Variants in AK8 observed in about 807,000 individuals in gnomAD.
AK8 encodes adenylate kinase 8.
AK8 carries 44 observed loss-of-function variants against 54.6 expected under a neutral mutation model. The ratio of observed to expected loss-of-function variants is 0.81; its 90% confidence interval spans 0.63 to 1.04. The LOEUF is 1.04. Ranked by LOEUF, AK8 falls within the 50% of genes least tolerant of loss-of-function variation. AK8 has a pLI of 0.00. For synonymous variants in AK8, 239 were observed against 245.6 expected (o/e 0.97, Z 0.25); for missense variants, 555 against 613.6 (o/e 0.90, Z 1.01).
rs36114433 is a variant in AK8, at chr9:132,853,357, C to CAAA, written c.402+1497_402+1499dup. Among the ~76,000 whole-genome samples, 21 of 105,554 alleles carry CAAA rather than the reference C, an allele frequency of 2.0e-4. 1 individual carries two copies. Among genetic ancestry groups the CAAA allele is most frequent in the African/African-American group, 4.3e-4 (11 of 25,692 alleles). The allele number at this position is 105,554 out of a possible 152,430, so 69.2% of individuals were successfully genotyped here. On this transcript the variant is annotated intron_variant, in intron 5 of 12. Coordinates refer to ENST00000298545, the MANE Select transcript of AK8 (RefSeq NM_152572.3). ...TGGGCGACAGAATGAGACTCCGCCTCAAAAAAAAAAAAAAAGAAAAGAAAA... is the reference window on the plus strand; with the variant it reads ...TGGGCGACAGAATGAGACTCCGCCTCAAAAAAAAAAAAAAAAAAGAAAAGAAAA...
At chr9:132,751,640 A>G (rs1283709675) in intron 11 of AK8, among the ~76,000 whole-genome samples, 2 of 151,532 alleles carry the variant, frequency 1.3e-5, no homozygotes, top group Admixed American at 1.3e-4. Flanking sequence ...ATCTCCCCCA[A>G]GGGCCATCAA....
At chr9:132,863,428 A>G (rs1843467748) in intron 4 of AK8, among the ~76,000 whole-genome samples, 1 of 152,186 alleles carries the variant, frequency 6.6e-6, no homozygotes, top group Admixed American at 6.5e-5. Context: ...CCTTCACTCG[A>G]CCCGTGATCC....
At chr9:132,764,493 G>T (rs1446292922) in intron 11 of AK8, among the ~76,000 whole-genome samples, 2 of 152,028 alleles carry the variant, frequency 1.3e-5, no homozygotes, top group Non-Finnish European at 2.9e-5. Flanking sequence ...ATTACAACTG[G>T]TACCACAGAT....
chr9:132,835,579 A>G (rs1588190864), intron 5 of AK8, among the ~76,000 whole-genome samples: 1 of 152,246 alleles, frequency 6.6e-6, no homozygotes, highest in Non-Finnish European at 1.5e-5. Flanking sequence ...GACCTGTGCC[A>G]CAGCCAATGT....
intron 7 of AK8, among the ~76,000 whole-genome samples, chr9:132,827,686 C>T (rs1029155768): frequency 8.5e-5 from 13 of 152,218 alleles, no homozygotes; most frequent in Non-Finnish European, 1.6e-4. Context: ...CAAGGGGGCA[C>T]ATAATTTGTC....
At chr9:132,802,334 G>C (rs143936813) in intron 10 of AK8, among the ~76,000 whole-genome samples, 9 of 152,310 alleles carry the variant, frequency 5.9e-5, no homozygotes, top group African/African-American at 2.2e-4. Context: ...GGAGGGGGGC[G>C]GTGTCTCAAT....
At chr9:132,739,934 C>A (rs954004439) in intron 11 of AK8, among the ~76,000 whole-genome samples, 1 of 152,212 alleles carries the variant, frequency 6.6e-6, no homozygotes, top group Non-Finnish European at 1.5e-5. Context: ...GGGCAAAGTA[C>A]GCATTCTTGT....
chr9:132,754,230 T>C (rs1838082744), intron 11 of AK8, among the ~76,000 whole-genome samples: 1 of 152,224 alleles, frequency 6.6e-6, no homozygotes, highest in African/African-American at 2.4e-5. Context: ...GTTTCTGAAG[T>C]ACCTCCGCCA....
rs1564422285 is a variant in AK8, at chr9:132,823,257, A to G, written c.837T>C (p.Ser279=). 1 of 1,607,252 alleles carries G rather than the reference A, an allele frequency of 6.2e-7. No individual in the cohort carries two copies. The highest frequency in any genetic ancestry group is 1.7e-5 in the Admixed American group (1 of 58,582). The change falls in exon 9 of 13, where the codon AGT becomes AGC. Residue 279 remains serine, a synonymous_variant. Transcript: ENST00000298545. ...PRVLLLGPVG[S]GKSLQAALLA... ...GGAGGGCGGCCTGCAGACTTTTCCC[A>G]CTGCCCACAGGCCCGAGCAGCAGCA...
intron 2 of AK8, among the ~76,000 whole-genome samples, chr9:132,869,630 G>A (rs1007321024): frequency 5.3e-5 from 8 of 152,284 alleles, no homozygotes; most frequent in African/African-American, 1.9e-4. Context: ...CTAGGCCTGT[G>A]GCCTGGGGCA....
chr9:132,820,562 T>C (rs979765267), intron 9 of AK8, among the ~76,000 whole-genome samples: 6 of 152,350 alleles, frequency 3.9e-5, no homozygotes, highest in South Asian at 2.1e-4. Context: ...TATCTGAGTG[T>C]TGGAGCAGAA....
At chr9:132,804,168 G>C (rs1455039321) in intron 10 of AK8, among the ~76,000 whole-genome samples, 3 of 151,596 alleles carry the variant, frequency 2.0e-5, no homozygotes, top group Admixed American at 6.6e-5. Flanking sequence ...CATGGAGAGG[G>C]ACCTCACCCG....
chr9:132,730,496 T>C (rs1836787831), intron 11 of AK8, among the ~76,000 whole-genome samples: 2 of 146,500 alleles, frequency 1.4e-5, no homozygotes, highest in Non-Finnish European at 3.0e-5. Context: ...GAACAGAGAG[T>C]GATCTAAAAC....
At chr9:132,778,210 A>G (rs1839310031) in intron 11 of AK8, among the ~76,000 whole-genome samples, 1 of 152,216 alleles carries the variant, frequency 6.6e-6, no homozygotes, top group Non-Finnish European at 1.5e-5. Flanking sequence ...CATGTCTGGT[A>G]AACTCTCGGA....
At chr9:132,725,991 T>G (rs1465179294) in intron 12 of AK8, 66 bp from the exon 13 acceptor site, 37 of 1,463,384 alleles carry the variant, frequency 2.5e-5, no homozygotes, top group Non-Finnish European at 3.3e-5. Context: ...AAAGGGACCC[T>G]CTACTCTACT....
At position 132,762,864 on chromosome 9, in the gene AK8, G is replaced by A. The variant is rs939469185; in HGVS notation, c.1121+29770C>T. 6.6e-5 allele frequency among the ~76,000 whole-genome samples: 10 copies of A among 152,178 alleles called. No individual in the cohort carries two copies. The East Asian group carries it at 1.2e-3, about 18-fold the overall frequency. On this transcript the variant is annotated intron_variant, in intron 11 of 12. Coordinates refer to ENST00000298545, the MANE Select transcript of AK8 (RefSeq NM_152572.3). ...TGCACTCCAGCCTGGGTGACAGAGCGAGACTCTATCTCAAAAGAAAAAGAA... is the reference window on the plus strand; with the variant it reads ...TGCACTCCAGCCTGGGTGACAGAGCAAGACTCTATCTCAAAAGAAAAAGAA...
At chr9:132,752,382 T>TATA (rs1837973995) in intron 11 of AK8, among the ~76,000 whole-genome samples, 1 of 151,906 alleles carries the variant, frequency 6.6e-6, no homozygotes, top group African/African-American at 2.4e-5. Context: ...CCCGAGCAGC[T>TATA]GGGACTATAG....
chr9:132,772,162 C>T (rs1327653812), intron 11 of AK8, among the ~76,000 whole-genome samples: 1 of 152,182 alleles, frequency 6.6e-6, no homozygotes, highest in East Asian at 1.9e-4. Flanking sequence ...CCAGAATGCT[C>T]CTGCCACCAC....
At chr9:132,875,295 C>G (rs1844045178) in intron 1 of AK8, 96 bp from the exon 2 acceptor site, 1 of 1,528,670 alleles carries the variant, frequency 6.5e-7, no homozygotes, top group Non-Finnish European at 8.8e-7. Context: ...TCCACTGCAC[C>G]CCACCAAACA....
Sources: gnomAD v4.1 joint callset for allele counts (sites outside exome capture counted in the v4.1 genomes callset) on GRCh38, gnomAD v4.1.1 for gene constraint, MANE v1.5 for transcripts, NCBI Gene and HGNC (gene_info 2026-07-23, HGNC 2026-07-21) for gene names.